Variants in DUSP29 observed in about 807,000 individuals in gnomAD.
DUSP29 encodes dual specificity phosphatase 29.
In DUSP29, 12 loss-of-function variants were observed where a neutral mutation model predicts 13.5. The observed-to-expected ratio is 0.89, with a 90% CI of 0.57 to 1.44. The LOEUF (loss-of-function observed/expected upper bound fraction) is 1.44, where lower values mean the gene tolerates loss of function less well. DUSP29 is among the 40% of genes most tolerant of loss of function. The probability of loss-of-function intolerance (pLI) is 0.00; values close to 1 mark genes in which losing one functional copy is unlikely to be tolerated. For missense variants in DUSP29, 308 were observed against 301.1 expected (o/e 1.02, Z -0.17); for synonymous variants, 134 against 128.7 (o/e 1.04, Z -0.28).
intron 1 of DUSP29, among the ~76,000 whole-genome samples, chr10:75,070,576 G>A (rs1425417592): frequency 1.3e-5 from 2 of 152,184 alleles, no homozygotes; most frequent in Non-Finnish European, 2.9e-5. Context: ...ACAAGGAGGC[G>A]GCCTGGAGGG....
At chr10:75,046,678 G>A (rs1846714911) in intron 2 of DUSP29, among the ~76,000 whole-genome samples, 1 of 152,232 alleles carries the variant, frequency 6.6e-6, no homozygotes, top group African/African-American at 2.4e-5. Context: ...GGCTCTTAGT[G>A]TGGCCATTCT....
At chr10:75,070,664 C>G (rs1011419042) in intron 1 of DUSP29, among the ~76,000 whole-genome samples, 4 of 151,600 alleles carry the variant, frequency 2.6e-5, no homozygotes, top group Admixed American at 2.6e-4. Flanking sequence ...GCAGTTTGGC[C>G]GGGGCGGAGG....
intron 1 of DUSP29, among the ~76,000 whole-genome samples, chr10:75,063,440 C>A (rs187055023): frequency 6.6e-6 from 1 of 151,968 alleles, no homozygotes; most frequent in Non-Finnish European, 1.5e-5. Flanking sequence ...ATTTTCTAGT[C>A]CTTGTGCTGG....
intron 3 of DUSP29, 48 bp from the exon 4 acceptor site, chr10:75,038,125 T>C (rs1213621593): frequency 3.2e-6 from 5 of 1,582,030 alleles, no homozygotes; most frequent in African/African-American, 2.7e-5. Flanking sequence ...GGGCAGGTGT[T>C]GGGGGCACAG....
intron 1 of DUSP29, among the ~76,000 whole-genome samples, chr10:75,064,098 G>A (rs1312559128): frequency 6.6e-6 from 1 of 151,950 alleles, no homozygotes; most frequent in Non-Finnish European, 1.5e-5. Context: ...CCAGGCTGGA[G>A]TGCAGTGGCA....
At chr10:75,064,574 G>A (rs139467961) in intron 1 of DUSP29, among the ~76,000 whole-genome samples, 6 of 152,254 alleles carry the variant, frequency 3.9e-5, no homozygotes, top group African/African-American at 1.4e-4. Context: ...GCCCAAACGG[G>A]TCTTGAACTC....
intron 1 of DUSP29, among the ~76,000 whole-genome samples, chr10:75,063,581 C>T (rs1271797949): frequency 6.6e-6 from 1 of 152,060 alleles, no homozygotes; most frequent in Non-Finnish European, 1.5e-5. Context: ...TGCACAGTCT[C>T]CTGGAGGCTG....
intron 3 of DUSP29, 131 bp from the exon 4 acceptor site, chr10:75,038,208 G>A: frequency 8.1e-7 from 1 of 1,238,550 alleles, no homozygotes; most frequent in African/African-American, 1.5e-5. Context: ...CCCCACAGCT[G>A]CCTCTGTAGA....
chr10:75,071,028 G>T (rs1189279972), intron 1 of DUSP29, among the ~76,000 whole-genome samples: 1 of 152,228 alleles, frequency 6.6e-6, no homozygotes, highest in African/African-American at 2.4e-5. Flanking sequence ...GGAGTTTAGG[G>T]GTTGAGAGGA....
intron 1 of DUSP29, among the ~76,000 whole-genome samples, chr10:75,064,544 A>C (rs1319972294): frequency 6.6e-6 from 1 of 152,062 alleles, no homozygotes; most frequent in Non-Finnish European, 1.5e-5. Context: ...TTTTTTGTAG[A>C]GATGGGCTCT....
intron 3 of DUSP29, among the ~76,000 whole-genome samples, chr10:75,039,741 T>A (rs921061050): frequency 6.6e-6 from 1 of 152,198 alleles, no homozygotes; most frequent in South Asian, 2.1e-4. Flanking sequence ...GGAACCTGCC[T>A]TTCTTAGTAA....
chr10:75,046,013 G>C (rs1298479055), intron 2 of DUSP29, among the ~76,000 whole-genome samples: 4 of 152,112 alleles, frequency 2.6e-5, no homozygotes, highest in African/African-American at 9.7e-5. Flanking sequence ...CTACTGGGGA[G>C]GCTGAAGTGG....
chr10:75,044,749 T>C (rs1221861658), intron 2 of DUSP29, among the ~76,000 whole-genome samples: 1 of 152,164 alleles, frequency 6.6e-6, no homozygotes, highest in Non-Finnish European at 1.5e-5. Context: ...CTCTGAAATA[T>C]GACTCGATGA....
At chr10:75,050,904 C>T (rs937217655) in intron 2 of DUSP29, among the ~76,000 whole-genome samples, 6 of 152,252 alleles carry the variant, frequency 3.9e-5, no homozygotes, top group Admixed American at 2.0e-4. Flanking sequence ...GGCCTTTTCT[C>T]ATCAGGCTGC....
At position 75,043,731 on chromosome 10, in the gene DUSP29, T is replaced by G. The variant is rs573804935; in HGVS notation, c.421+66A>C. On this transcript the variant is annotated intron_variant, in intron 3 of 3. Coordinates refer to ENST00000338487, the MANE Select transcript of DUSP29 (RefSeq NM_001003892.3). ...GGCGGGGAAGGGGCGGGGCCTAAGCTACGGGCGGGGCGAGTCGGGGCGGGG... is the reference window on the plus strand; with the variant it reads ...GGCGGGGAAGGGGCGGGGCCTAAGCGACGGGCGGGGCGAGTCGGGGCGGGG... 85 of 1,317,662 alleles carry G rather than the reference T, an allele frequency of 6.5e-5. 1 individual carries two copies. Among genetic ancestry groups the G allele is most frequent in the Middle Eastern group, 5.3e-4 (2 of 3,740 alleles). The allele number at this position is 1,317,662 out of a possible 1,614,324, so 81.6% of individuals were successfully genotyped here. A position where few individuals can be genotyped will look rare whatever the true frequency, so the allele number is the denominator to read the frequency against.
At chr10:75,056,421 A>G (rs992536819) in intron 2 of DUSP29, among the ~76,000 whole-genome samples, 2 of 151,936 alleles carry the variant, frequency 1.3e-5, no homozygotes, top group Non-Finnish European at 2.9e-5. Flanking sequence ...CTTGCTACTC[A>G]GGAGGCTGAG....
chr10:75,044,634 G>T (rs547976043), intron 2 of DUSP29, among the ~76,000 whole-genome samples: 4 of 152,324 alleles, frequency 2.6e-5, no homozygotes, highest in African/African-American at 9.6e-5. Flanking sequence ...TGAATTGATT[G>T]CAGGGAAGTT....
Position 75,043,733 on chromosome 10 carries a change from C to T in DUSP29, c.421+64G>A, listed in dbSNP as rs1290618546. On this transcript the variant is annotated intron_variant, in intron 3 of 3. Coordinates refer to ENST00000338487, the MANE Select transcript of DUSP29 (RefSeq NM_001003892.3). ...CGGGGAAGGGGCGGGGCCTAAGCTA[C>T]GGGCGGGGCGAGTCGGGGCGGGGCG... The T allele has an allele frequency of 7.4e-6, 9 of 1,209,026 alleles. No homozygotes were observed. In the East Asian group the frequency reaches 1.8e-4, roughly 24 times the overall value. 74.9% of individuals were successfully genotyped at this position (1,209,026 alleles called of 1,614,324 possible). A position where few individuals can be genotyped will look rare whatever the true frequency, so the allele number is the denominator to read the frequency against.
intron 2 of DUSP29, among the ~76,000 whole-genome samples, 191 bp downstream of exon 2, chr10:75,058,124 G>A (rs544932406): frequency 1.1e-3 from 173 of 152,364 alleles, no homozygotes; most frequent in Middle Eastern, 3.4e-3. Context: ...ATGTGAGAGA[G>A]AAATAAACCT....
Sources: allele counts gnomAD v4.1 joint callset (sites outside exome capture counted in the v4.1 genomes callset), GRCh38; gene constraint gnomAD v4.1.1; transcripts MANE v1.5; gene names NCBI Gene and HGNC (gene_info 2026-07-23, HGNC 2026-07-21).